The following MKNK2 variants were observed in gnomAD, a reference collection of about 807,000 sequenced individuals.
MKNK2 encodes the protein MAPK interacting serine/threonine kinase 2, also known as MAP kinase-interacting serine/threonine-protein kinase 2.
A neutral mutation model predicts 55.0 loss-of-function variants in MKNK2; 54 were observed. The observed-to-expected ratio is 0.98, with a 90% CI of 0.79 to 1.23. The LOEUF (loss-of-function observed/expected upper bound fraction) is 1.23, where lower values mean the gene tolerates loss of function less well. MKNK2 is among the 50% of genes most tolerant of loss of function. MKNK2 has a pLI of 0.00. For synonymous variants in MKNK2, 323 were observed against 256.0 expected (o/e 1.26, Z -2.50); for missense variants, 685 against 632.1 (o/e 1.08, Z -0.90).
Position 2,050,889 on chromosome 19 carries a change from G to A in MKNK2, c.-38C>T. The A allele has an allele frequency of 6.7e-7, 1 of 1,482,826 alleles. No homozygotes were observed. The highest frequency in any genetic ancestry group is 9.0e-7 in the Non-Finnish European group (1 of 1,111,606). The allele number at this position is 1,482,826 out of a possible 1,614,324, so 91.9% of individuals were successfully genotyped here. A position where few individuals can be genotyped will look rare whatever the true frequency, so the allele number is the denominator to read the frequency against. On this transcript the variant is annotated 5_prime_UTR_variant, in exon 2 of 14. Coordinates refer to ENST00000250896, the MANE Select transcript of MKNK2 (RefSeq NM_199054.3). ...CCCCGCCAGCGGGGGAGGGGACCGA[G>A]GGCCCGGGGGGAGGCCCGAGGGCGG... is the stretch of plus-strand genomic sequence containing the variant.
chr19:2,040,191 G>A lies in MKNK2; in HGVS notation c.1111-14C>T. Reference sequence around the variant, plus strand: ...CTCCGGGGCGCACTGCAACGAGAGTGGGCGGGGGCAGGGCTGGAGAGCAGC... The same window carrying A: ...CTCCGGGGCGCACTGCAACGAGAGTAGGCGGGGGCAGGGCTGGAGAGCAGC... On this transcript the variant is annotated splice_polypyrimidine_tract_variant and intron_variant, in intron 12 of 13. Transcript: ENST00000250896. 1.3e-6 allele frequency: 2 copies of A among 1,568,544 alleles called. No individual in the cohort carries two copies. The highest frequency in any genetic ancestry group is 1.7e-6 in the Non-Finnish European group (2 of 1,157,320).
At chr19:2,047,024 C>A (rs2017015740) in intron 2 of MKNK2, among the ~76,000 whole-genome samples, 1 of 152,090 alleles carries the variant, frequency 6.6e-6, no homozygotes, top group Non-Finnish European at 1.5e-5. Context: ...GGTCTTAAAC[C>A]CCTGGCCTCA....
chr19:2,037,691 T>C lies in MKNK2; in HGVS notation c.*1922A>G. 6 of 1,287,718 alleles carry C rather than the reference T, an allele frequency of 4.7e-6. No individual in the cohort carries two copies. The highest frequency in any genetic ancestry group is 6.4e-6 in the Non-Finnish European group (6 of 941,634). 79.8% of individuals were successfully genotyped at this position (1,287,718 alleles called of 1,614,324 possible). The stretch of plus-strand genomic sequence containing the variant: ...AACATTAACACATGGCCGTTCACCG[T>C]CCCCCAGCGATGGGAGCTGGCCTGG... On this transcript the variant is annotated 3_prime_UTR_variant, in exon 14 of 14. Transcript: ENST00000250896.
intron 12 of MKNK2, chr19:2,040,762 C>T (rs72981425): frequency 0.028 from 13,769 of 490,912 alleles, 276 homozygotes; most frequent in Middle Eastern, 0.06. Flanking sequence ...CTGCCCGCTT[C>T]GCTCCAGCCT....
chr19:2,037,955 G>C lies in MKNK2; in HGVS notation c.*1658C>G. Reference sequence around the variant, plus strand: ...GCTTGTTCTTTGATACAAAAAGGCAGAGAATCCCCCGTTACGAAACATGGA... The same window carrying C: ...GCTTGTTCTTTGATACAAAAAGGCACAGAATCCCCCGTTACGAAACATGGA... On this transcript the variant is annotated 3_prime_UTR_variant, in exon 14 of 14. Transcript: ENST00000250896. 7.2e-7 allele frequency: 1 copy of C among 1,388,824 alleles called. No homozygotes were observed. The highest frequency in any genetic ancestry group is 9.4e-7 in the Non-Finnish European group (1 of 1,059,498). 86.0% of individuals were successfully genotyped at this position (1,388,824 alleles called of 1,614,324 possible).
chr19:2,042,698 G>T (rs946143882), intron 8 of MKNK2, 36 bp from the exon 9 acceptor site: 1 of 1,551,098 alleles, frequency 6.4e-7, no homozygotes, highest in Admixed American at 2.0e-5. Context: ...ACGGGGTGAG[G>T]GTCTGGAGGT....
At chr19:2,050,293 G>C (rs934496844) in intron 2 of MKNK2, among the ~76,000 whole-genome samples, 2 of 152,232 alleles carry the variant, frequency 1.3e-5, no homozygotes, top group African/African-American at 4.8e-5. Flanking sequence ...CCCTGGGGGT[G>C]GGTGCACCTG....
chr19:2,050,929 G>T lies in MKNK2; in HGVS notation c.-78C>A. ...CCCGAGGGCGGGCGGCCGGGCGGGG[G>T]GCGGCCGAGGAGGGGACCCTGCGGG... On this transcript the variant is annotated 5_prime_UTR_variant, in exon 2 of 14. Coordinates refer to ENST00000250896, the MANE Select transcript of MKNK2 (RefSeq NM_199054.3). The T allele has an allele frequency of 9.5e-7, 1 of 1,053,834 alleles. No individual in the cohort carries two copies. Among genetic ancestry groups the T allele is most frequent in the Non-Finnish European group, 1.3e-6 (1 of 751,488 alleles). The allele number at this position is 1,053,834 out of a possible 1,614,324, so 65.3% of individuals were successfully genotyped here. A position where few individuals can be genotyped will look rare whatever the true frequency, so the allele number is the denominator to read the frequency against.
In MKNK2 at chr19:2,038,962, C is replaced by G; in HGVS notation, c.*651G>C. 3 of 985,888 alleles carry G rather than the reference C, an allele frequency of 3.0e-6. No homozygotes were observed. Among genetic ancestry groups the G allele is most frequent in the South Asian group, 9.4e-5 (2 of 21,292 alleles). The allele number at this position is 985,888 out of a possible 1,614,324, so 61.1% of individuals were successfully genotyped here. Reference sequence around the variant, plus strand: ...CAGACAGACGGGCCTTGCAGGAAGCCCCGATTGTCAACTATCATGGGGACA... The same window carrying G: ...CAGACAGACGGGCCTTGCAGGAAGCGCCGATTGTCAACTATCATGGGGACA... On this transcript the variant is annotated 3_prime_UTR_variant, in exon 14 of 14. Coordinates refer to ENST00000250896, the MANE Select transcript of MKNK2 (RefSeq NM_199054.3).
rs1259500951 is a variant in MKNK2 at position 2,038,856 on chromosome 19, A to AGGGGC, written c.*752_*756dup. On this transcript the variant is annotated 3_prime_UTR_variant, in exon 14 of 14. Coordinates refer to ENST00000250896, the MANE Select transcript of MKNK2 (RefSeq NM_199054.3). Reference sequence around the variant, plus strand: ...TGTCTCAGGCCTTGGTGTGGAGGGGAGGGGCAGCGGCGAGCCCCTGGGGTC... The same window carrying AGGGGC: ...TGTCTCAGGCCTTGGTGTGGAGGGGAGGGGCGGGGCAGCGGCGAGCCCCTGGGGTC... 37 of 985,244 alleles carry AGGGGC rather than the reference A, an allele frequency of 3.8e-5. No individual in the cohort carries two copies. In the African/African-American group the frequency reaches 5.8e-4, roughly 15 times the overall value. 61.0% of individuals were successfully genotyped at this position (985,244 alleles called of 1,614,324 possible).
Position 2,041,161 on chromosome 19 carries a change from G to C in MKNK2, c.989C>G (p.Pro330Arg). The change falls in exon 12 of 14, where the codon CCC becomes CGC. Residue 330 changes from proline (P) to arginine (R), a missense_variant. Pro to Arg is a moderately radical substitution (Grantham distance 103). Coordinates refer to ENST00000250896, the MANE Select transcript of MKNK2 (RefSeq NM_199054.3). ...ESIQEGKYEF[P>R]DKDWAHISCA... The stretch of plus-strand genomic sequence containing the variant: ...GGAGATGTGGGCCCAGTCCTTGTCG[G>C]GGAACTCGTACTTGCCCTCCTGGAT... The C allele has an allele frequency of 1.2e-6, 2 of 1,614,002 alleles. No homozygotes were observed. Among genetic ancestry groups the C allele is most frequent in the Non-Finnish European group, 1.7e-6 (2 of 1,179,948 alleles).
intron 2 of MKNK2, 99 bp from the exon 3 acceptor site, chr19:2,046,790 G>A (rs759325286): frequency 1.7e-5 from 16 of 926,930 alleles, no homozygotes; most frequent in Non-Finnish European, 2.4e-5. Flanking sequence ...ACACTGACAA[G>A]CCCTGCGCTG....
intron 6 of MKNK2, 75 bp from the exon 7 acceptor site, chr19:2,043,272 G>C: frequency 7.7e-7 from 1 of 1,293,854 alleles, no homozygotes; most frequent in Non-Finnish European, 1.1e-6. Flanking sequence ...CGGCCTAGGA[G>C]GGGCCCACCC....
At chr19:2,049,420 C>T (rs1401440727) in intron 2 of MKNK2, among the ~76,000 whole-genome samples, 3 of 152,204 alleles carry the variant, frequency 2.0e-5, no homozygotes, top group African/African-American at 7.2e-5. Flanking sequence ...CCTGGAGGAA[C>T]ACCTCACAGC....
intron 5 of MKNK2, among the ~76,000 whole-genome samples, chr19:2,044,331 G>A (rs907719037): frequency 1.3e-4 from 20 of 152,184 alleles, no homozygotes; most frequent in African/African-American, 4.1e-4. Flanking sequence ...TATCTGTTTC[G>A]GGCCCACCCT....
chr19:2,043,621 G>T, intron 5 of MKNK2, 39 bp from the exon 6 acceptor site: 1 of 1,590,028 alleles, frequency 6.3e-7, no homozygotes, highest in Middle Eastern at 1.7e-4. Flanking sequence ...GGGTTGGTGG[G>T]ACGCTCATAG....
At chr19:2,048,745 C>T (rs1050641510) in intron 2 of MKNK2, among the ~76,000 whole-genome samples, 1 of 152,052 alleles carries the variant, frequency 6.6e-6, no homozygotes. Context: ...CCCCACCCAC[C>T]CTGGCTCGGG....
At position 2,050,810 on chromosome 19, in the gene MKNK2, A is replaced by G; in HGVS notation, c.42T>C (p.Arg14=). The G allele has an allele frequency of 6.5e-7, 1 of 1,534,926 alleles. No homozygotes were observed. The highest frequency in any genetic ancestry group is 8.8e-7 in the Non-Finnish European group (1 of 1,140,268). ...CGACCCCGGGCCTCACCTTGAACGAACGGTGGAAACCCTGAAGTTCGGCTG... is the reference window on the plus strand; with the variant it reads ...CGACCCCGGGCCTCACCTTGAACGAGCGGTGGAAACCCTGAAGTTCGGCTG... ...KKPAELQGFH[R]SFKGQNPFEL... is the part of the protein sequence containing the mutation. Residue 14 remains arginine, a synonymous_variant, in exon 2 of 14, where the codon CGT becomes CGC. Coordinates refer to ENST00000250896, the MANE Select transcript of MKNK2 (RefSeq NM_199054.3).
intron 12 of MKNK2, chr19:2,040,655 T>A (rs1003684588): frequency 2.0e-5 from 6 of 292,818 alleles, no homozygotes; most frequent in Admixed American, 1.4e-4. Flanking sequence ...AACACCCGAC[T>A]CCTCCTCGAC....
Sources: gnomAD v4.1 joint callset for allele counts (sites outside exome capture counted in the v4.1 genomes callset) on GRCh38, gnomAD v4.1.1 for gene constraint, MANE v1.5 for transcripts, NCBI Gene and HGNC (gene_info 2026-07-23, HGNC 2026-07-21) for gene names.